The following RORA variants were observed in gnomAD, a reference collection of about 807,000 sequenced individuals.
RORA encodes nuclear receptor ROR-alpha.
A neutral mutation model predicts 69.5 loss-of-function variants in RORA; 7 were observed. That is an observed-to-expected ratio of 0.10 (90% CI 0.06 to 0.19). The LOEUF is 0.19. RORA is among the 10% of genes least tolerant of loss of function. RORA has a pLI of 1.00. For synonymous variants in RORA, 261 were observed against 240.8 expected (o/e 1.08, Z -0.78); for missense variants, 457 against 663.0 (o/e 0.69, Z 3.41).
chr15:60,816,954 T>G (rs1298576751), intron 1 of RORA, among the ~76,000 whole-genome samples: 3 of 152,202 alleles, frequency 2.0e-5, no homozygotes, highest in Admixed American at 1.3e-4. Context: ...ATTCTAGCTT[T>G]GTTATGATTG....
At chr15:60,675,428 A>G (rs2070538433) in intron 2 of RORA, among the ~76,000 whole-genome samples, 1 of 152,222 alleles carries the variant, frequency 6.6e-6, no homozygotes, top group Non-Finnish European at 1.5e-5. Context: ...ATGTTTGCAC[A>G]CCAAAAACCA....
At chr15:60,824,129 A>G (rs1465902590) in intron 1 of RORA, among the ~76,000 whole-genome samples, 1 of 152,182 alleles carries the variant, frequency 6.6e-6, no homozygotes, top group Non-Finnish European at 1.5e-5. Flanking sequence ...ATTTAGGTTC[A>G]GGGGAGTTCC....
At position 60,978,070 on chromosome 15, in the gene RORA, C is replaced by A. The variant is rs150994120; in HGVS notation, c.166+250983G>T. Reference sequence around the variant, plus strand: ...CACAGAGGCTGGATCATTATACATTCCCACAAACAATGATTACGAGTTCTA... The same window carrying A: ...CACAGAGGCTGGATCATTATACATTACCACAAACAATGATTACGAGTTCTA... On this transcript the variant is annotated intron_variant, in intron 1 of 10. Transcript: ENST00000335670. 2.7e-3 allele frequency among the ~76,000 whole-genome samples: 405 copies of A among 152,242 alleles called. 2 individuals are homozygous for A. Among genetic ancestry groups the A allele is most frequent in the African/African-American group, 9.3e-3 (386 of 41,536 alleles).
chr15:60,838,628 C>T (rs930696891), intron 1 of RORA, among the ~76,000 whole-genome samples: 2 of 152,316 alleles, frequency 1.3e-5, no homozygotes, highest in East Asian at 1.9e-4. Context: ...TCACACCAGA[C>T]GTAATGGCGT....
intron 1 of RORA, among the ~76,000 whole-genome samples, chr15:61,036,362 GT>G (rs1446406488): frequency 6.6e-5 from 10 of 152,256 alleles, no homozygotes; most frequent in African/African-American, 2.2e-4. Context: ...ATCTCCATTG[GT>G]TTGCGTTTAC....
intron 1 of RORA, among the ~76,000 whole-genome samples, chr15:60,958,983 A>C (rs1200666618): frequency 1.3e-5 from 2 of 152,206 alleles, no homozygotes; most frequent in African/African-American, 4.8e-5. Context: ...TCTGCCAACA[A>C]GCCAGACATC....
intron 1 of RORA, among the ~76,000 whole-genome samples, chr15:60,766,907 C>G (rs1203602369): frequency 6.6e-6 from 1 of 152,094 alleles, no homozygotes; most frequent in Non-Finnish European, 1.5e-5. Context: ...AGCCCTGATA[C>G]GAATCATTAA....
intron 1 of RORA, among the ~76,000 whole-genome samples, chr15:60,935,723 A>C (rs1406138537): frequency 6.6e-6 from 1 of 152,252 alleles, no homozygotes; most frequent in African/African-American, 2.4e-5. Flanking sequence ...CCAGATAAAT[A>C]AAACATCAGA....
chr15:60,983,460 T>C (rs968731747), intron 1 of RORA, among the ~76,000 whole-genome samples: 4 of 152,190 alleles, frequency 2.6e-5, no homozygotes, highest in African/African-American at 7.2e-5. Flanking sequence ...TCCTCTTCCC[T>C]TTCTAGTTTT....
At chr15:61,205,292 G>A (rs933718780) in intron 1 of RORA, among the ~76,000 whole-genome samples, 7 of 152,198 alleles carry the variant, frequency 4.6e-5, no homozygotes, top group Admixed American at 1.3e-4. Context: ...GCAAAGCACC[G>A]GTAGAGCTGG....
intron 3 of RORA, among the ~76,000 whole-genome samples, chr15:60,519,161 G>C (rs1196737469): frequency 1.3e-5 from 2 of 152,126 alleles, no homozygotes; most frequent in African/African-American, 4.8e-5. Flanking sequence ...GCTAAGGGGG[G>C]ACTACTGTGT....
chr15:61,210,671 C>T (rs117365756), intron 1 of RORA, among the ~76,000 whole-genome samples: 45 of 152,240 alleles, frequency 3.0e-4, no homozygotes, highest in African/African-American at 8.9e-4. Context: ...TAGATACACA[C>T]GCATTTTTTA....
intron 2 of RORA, among the ~76,000 whole-genome samples, chr15:60,612,331 T>C (rs12915995): frequency 0.1 from 15,471 of 152,208 alleles, 818 homozygotes; most frequent in Non-Finnish European, 0.12. Flanking sequence ...TTCTGTTTCC[T>C]TCCCAAGACA....
In RORA at chr15:60,905,403, G is replaced by A. The variant is rs768842580; in HGVS notation, c.167-226717C>T. On this transcript the variant is annotated intron_variant, in intron 1 of 10. Transcript: ENST00000335670. The surrounding 1 kb of genome is among the most constrained non-coding windows in gnomAD (Gnocchi z 4.8). ...GCTCATTAGATCAACTTTTTTTTCT[G>A]TGTATTTTTTTTTCTTTTTAAACAG... 2.0e-5 allele frequency among the ~76,000 whole-genome samples: 3 copies of A among 152,050 alleles called. No individual in the cohort carries two copies. The highest frequency in any genetic ancestry group is 2.1e-4 in the South Asian group (1 of 4,816).
intron 1 of RORA, among the ~76,000 whole-genome samples, chr15:60,713,229 G>A (rs561824702): frequency 1.3e-5 from 2 of 152,248 alleles, no homozygotes; most frequent in South Asian, 2.1e-4. Flanking sequence ...TAGGGTGTCC[G>A]GCTAACCTGG....
chr15:60,747,263 C>A (rs543905072), intron 1 of RORA, among the ~76,000 whole-genome samples: 91 of 152,252 alleles, frequency 6.0e-4, no homozygotes, highest in African/African-American at 2.1e-3. Flanking sequence ...ACAAGGCAAG[C>A]TGGTGAGGAA....
intron 2 of RORA, among the ~76,000 whole-genome samples, chr15:60,586,542 A>T (rs1189491591): frequency 6.6e-6 from 1 of 152,156 alleles, no homozygotes; most frequent in African/African-American, 2.4e-5. Context: ...AGATGGATTA[A>T]ATGTGTTCTG....
At chr15:60,858,467 A>G (rs2073403514) in intron 1 of RORA, among the ~76,000 whole-genome samples, 3 of 152,272 alleles carry the variant, frequency 2.0e-5, no homozygotes, top group South Asian at 4.2e-4. Flanking sequence ...GTTTGGACTC[A>G]CCCAGTATGG....
Position 60,763,258 on chromosome 15 carries a change from T to C in RORA, c.167-84572A>G, listed in dbSNP as rs200637774. ...ATCATCTTGCCAGGGGCAGAACCTA[T>C]TCCCAAGCCACTTTGAGAGCAGGAG... On this transcript the variant is annotated intron_variant, in intron 1 of 10. Coordinates refer to ENST00000335670, the MANE Select transcript of RORA (RefSeq NM_134261.3). Among the ~76,000 whole-genome samples the C allele has an allele frequency of 2.6e-5, 4 of 151,902 alleles. No homozygotes were observed. The East Asian group carries it at 5.8e-4, about 22-fold the overall frequency.
Sources: allele counts gnomAD v4.1 joint callset (sites outside exome capture counted in the v4.1 genomes callset), GRCh38; gene constraint gnomAD v4.1.1; non-coding constraint Gnocchi (gnomAD v3.1); transcripts MANE v1.5; gene names NCBI Gene and HGNC (gene_info 2026-07-23, HGNC 2026-07-21).